The following CSMD1 variants were observed in gnomAD, a reference collection of about 807,000 sequenced individuals.
The protein encoded by CSMD1 is CUB and Sushi multiple domains 1, also known as CUB and sushi domain-containing protein 1.
A neutral mutation model predicts 417.5 loss-of-function variants in CSMD1; 213 were observed. The ratio of observed to expected loss-of-function variants is 0.51; its 90% CI spans 0.46 to 0.57. The LOEUF (loss-of-function observed/expected upper bound fraction) is 0.57. Ranked by LOEUF, CSMD1 falls within the 20% of genes least tolerant of loss-of-function variation. CSMD1 has a pLI of 0.00. For missense variants in CSMD1, 6,923 were observed against 4,529.7 expected (o/e 1.53, Z -15.17); for synonymous variants, 2,862 against 1,736.8 (o/e 1.65, Z -16.11).
At chr8:4,293,109 G>A (rs567524317) in intron 3 of CSMD1, among the ~76,000 whole-genome samples, 7 of 152,100 alleles carry the variant, frequency 4.6e-5, no homozygotes, top group Non-Finnish European at 7.3e-5. Context: ...AGCAGGAGGG[G>A]GCTACCAGCA....
intron 7 of CSMD1, among the ~76,000 whole-genome samples, chr8:3,662,108 A>C (rs1482196): frequency 0.69 from 105,156 of 152,004 alleles, 36,703 homozygotes; most frequent in Middle Eastern, 0.77. Context: ...AAGGGACATT[A>C]GTGGAACACC....
chr8:2,954,291 T>C (rs1369778689), intron 64 of CSMD1, 23 bp from the exon 65 acceptor site: 1 of 1,339,208 alleles, frequency 7.5e-7, no homozygotes, highest in South Asian at 1.4e-5. Flanking sequence ...AGACAAATTA[T>C]CATTTTAAAA....
chr8:4,453,829 T>TG (rs1301554598), intron 2 of CSMD1, among the ~76,000 whole-genome samples: 1 of 134,810 alleles, frequency 7.4e-6, no homozygotes, highest in East Asian at 2.1e-4. Context: ...TTTTTTTTTT[T>TG]TTTTTTTTTT....
At chr8:3,446,300 T>C (rs1331734307) in intron 12 of CSMD1, among the ~76,000 whole-genome samples, 1 of 152,232 alleles carries the variant, frequency 6.6e-6, no homozygotes, top group Non-Finnish European at 1.5e-5. Flanking sequence ...ATTAGTTTTC[T>C]TTACCTTTTC....
At chr8:3,471,311 A>G (rs947511453) in intron 11 of CSMD1, among the ~76,000 whole-genome samples, 1 of 152,180 alleles carries the variant, frequency 6.6e-6, no homozygotes. Flanking sequence ...CTCCTTTTAA[A>G]TACTGAAAAC....
intron 5 of CSMD1, among the ~76,000 whole-genome samples, chr8:3,812,939 G>T (rs6985883): frequency 6.6e-6 from 1 of 152,092 alleles, no homozygotes; most frequent in Non-Finnish European, 1.5e-5. Context: ...ATAACGTCAG[G>T]TATCTATCAT....
chr8:3,577,467 T>C (rs372827384), intron 9 of CSMD1, among the ~76,000 whole-genome samples: 2 of 152,212 alleles, frequency 1.3e-5, no homozygotes, highest in East Asian at 3.8e-4. Flanking sequence ...AAATTGTTTA[T>C]TTTTTGTCCA....
chr8:4,744,327 G>C (rs2117019286), intron 1 of CSMD1, among the ~76,000 whole-genome samples: 1 of 152,210 alleles, frequency 6.6e-6, no homozygotes, highest in South Asian at 2.1e-4. Flanking sequence ...TTCTACTGAT[G>C]TGTGTGCTGT....
chr8:4,550,078 T>G (rs1239781767), intron 2 of CSMD1, among the ~76,000 whole-genome samples: 1 of 151,814 alleles, frequency 6.6e-6, no homozygotes, highest in Non-Finnish European at 1.5e-5. Context: ...CACCCCCATG[T>G]TTGGATAGGC....
intron 3 of CSMD1, among the ~76,000 whole-genome samples, chr8:4,300,074 C>A (rs1042482722): frequency 1.3e-5 from 2 of 152,194 alleles, no homozygotes; most frequent in African/African-American, 4.8e-5. Context: ...GTCAGAACAT[C>A]TGGATTTAGG....
rs922275291 is a variant in CSMD1 at position 3,769,363 on chromosome 8, C to A, written c.819-15321G>T. Among the ~76,000 whole-genome samples, 6 of 151,640 alleles carry A rather than the reference C, an allele frequency of 4.0e-5. 1 individual carries two copies. Among genetic ancestry groups the A allele is most frequent in the African/African-American group, 1.5e-4 (6 of 41,338 alleles). On this transcript the variant is annotated intron_variant, in intron 5 of 69. Coordinates refer to ENST00000635120, the MANE Select transcript of CSMD1 (RefSeq NM_033225.6). Reference sequence around the variant, plus strand: ...AAGAAAGTTGTACCAAATTAGATAACAATATCCATTAAATACTATGTTAAA... The same window carrying A: ...AAGAAAGTTGTACCAAATTAGATAAAAATATCCATTAAATACTATGTTAAA...
chr8:3,672,459 T>C (rs951603198), intron 7 of CSMD1, among the ~76,000 whole-genome samples: 3 of 152,194 alleles, frequency 2.0e-5, no homozygotes, highest in Non-Finnish European at 4.4e-5. Context: ...GACTTTCAAA[T>C]GTTCAAAACA....
intron 30 of CSMD1, among the ~76,000 whole-genome samples, chr8:3,214,251 G>A (rs927042903): frequency 1.3e-5 from 2 of 152,038 alleles, no homozygotes; most frequent in Non-Finnish European, 2.9e-5. Flanking sequence ...AAACAGAAGT[G>A]AAAAATGTAA....
chr8:3,712,180 A>G (rs1801550564), intron 6 of CSMD1, among the ~76,000 whole-genome samples: 2 of 146,694 alleles, frequency 1.4e-5, no homozygotes, highest in African/African-American at 5.0e-5. Context: ...CTTATTGGAC[A>G]GCTCTGCTAA....
At chr8:4,778,418 G>A (rs955501961) in intron 1 of CSMD1, among the ~76,000 whole-genome samples, 4 of 152,066 alleles carry the variant, frequency 2.6e-5, no homozygotes, top group African/African-American at 9.7e-5. Context: ...TAGAGCTCCG[G>A]TGGTAATTTG....
At chr8:4,415,068 T>A (rs546321701) in intron 3 of CSMD1, among the ~76,000 whole-genome samples, 22 of 152,162 alleles carry the variant, frequency 1.4e-4, no homozygotes, top group Admixed American at 1.3e-3. Flanking sequence ...GTAATTCAGC[T>A]TTTTTTGCAA....
At chr8:4,013,460 G>T (rs1796375668) in intron 4 of CSMD1, among the ~76,000 whole-genome samples, 1 of 152,106 alleles carries the variant, frequency 6.6e-6, no homozygotes, top group African/African-American at 2.4e-5. Flanking sequence ...GGGGTTTCCA[G>T]GACATGGGAT....
At chr8:4,508,340 G>A (rs190663998) in intron 2 of CSMD1, among the ~76,000 whole-genome samples, 7 of 152,012 alleles carry the variant, frequency 4.6e-5, no homozygotes, top group African/African-American at 1.7e-4. Flanking sequence ...CTACAGGATT[G>A]TATAAGATGG....
rs1172600205 is a variant in CSMD1, at chr8:4,578,332, ATTTTTTTTTT to A, written c.302+59000_302+59009del. On this transcript the variant is annotated intron_variant, in intron 2 of 69. Transcript: ENST00000635120. ...AGGCACCTGCCACGACACCCGGCTC[ATTTTTTTTTT>A]TTTTTTTTTTTTTTTTTTAGGACAG... Among the ~76,000 whole-genome samples, 9 of 48,768 alleles carry A rather than the reference ATTTTTTTTTT, an allele frequency of 1.8e-4. No individual in the cohort carries two copies. The South Asian group carries it at 5.5e-3, about 30-fold the overall frequency. 32.0% of individuals were successfully genotyped at this position (48,768 alleles called of 152,430 possible). A position where few individuals can be genotyped will look rare whatever the true frequency, so the allele number is the denominator to read the frequency against.
Sources: allele counts gnomAD v4.1 joint callset (sites outside exome capture counted in the v4.1 genomes callset), GRCh38; gene constraint gnomAD v4.1.1; transcripts MANE v1.5; gene names NCBI Gene and HGNC (gene_info 2026-07-23, HGNC 2026-07-21).